MCU: variants seen among roughly 807,000 people sequenced by gnomAD.
MCU encodes the protein calcium uniporter protein, mitochondrial.
Under a neutral mutation model 45.2 loss-of-function variants are expected in MCU, and 12 were observed. The observed-to-expected ratio is 0.27, with a 90% CI of 0.17 to 0.43. The LOEUF (loss-of-function observed/expected upper bound fraction) is 0.43. Ranked by LOEUF, MCU falls within the 20% of genes least tolerant of loss-of-function variation. The pLI is 1.00. For missense variants in MCU, 324 were observed against 436.7 expected, an observed-to-expected ratio of 0.74 and a Z score of 2.30; for synonymous variants, 160 against 165.1, an observed-to-expected ratio of 0.97 and a Z score of 0.24.
At chr10:72,791,394 ACT>A (rs1844157983) in intron 1 of MCU, among the ~76,000 whole-genome samples, 1 of 151,984 alleles carries the variant, frequency 6.6e-6, no homozygotes, top group Admixed American at 6.6e-5. Flanking sequence ...TTTGATTTTT[ACT>A]CTCTTCACAA....
At chr10:72,698,264 C>T (rs1158496970) in intron 1 of MCU, among the ~76,000 whole-genome samples, 1 of 152,106 alleles carries the variant, frequency 6.6e-6, no homozygotes. Flanking sequence ...AAGTCAAAGG[C>T]AATACATTGG....
intron 1 of MCU, among the ~76,000 whole-genome samples, chr10:72,773,659 A>T (rs770647541): frequency 3.9e-5 from 6 of 152,200 alleles, no homozygotes; most frequent in Non-Finnish European, 8.8e-5. Context: ...TTAAACCCAG[A>T]TGAAACTACC....
intron 3 of MCU, 78 bp downstream of exon 3, chr10:72,859,425 C>CT (rs1845343186): frequency 7.5e-7 from 1 of 1,333,356 alleles, no homozygotes; most frequent in African/African-American, 1.5e-5. Context: ...ACATACACCA[C>CT]ACACGTAGCT....
intron 4 of MCU, among the ~76,000 whole-genome samples, chr10:72,867,479 C>T (rs116878660): frequency 0.021 from 3,217 of 152,184 alleles, 50 homozygotes; most frequent in Non-Finnish European, 0.029. Flanking sequence ...GATACTGAGG[C>T]CCATACAGCT....
chr10:72,775,281 G>A (rs972036556), intron 1 of MCU, among the ~76,000 whole-genome samples: 16 of 152,008 alleles, frequency 1.1e-4, no homozygotes, highest in East Asian at 5.8e-4. Context: ...TAAACAACAT[G>A]CTCCTGAATG....
At chr10:72,784,283 A>G (rs572168736) in intron 1 of MCU, among the ~76,000 whole-genome samples, 4 of 152,334 alleles carry the variant, frequency 2.6e-5, no homozygotes, top group South Asian at 2.1e-4. Flanking sequence ...TTCAGATCCT[A>G]TCAAATTAAT....
Position 72,797,221 on chromosome 10 carries a change from A to ATTCT in MCU, c.151-37136_151-37135insCTTT, listed in dbSNP as rs375904067. Among the ~76,000 whole-genome samples, 6 of 86,758 alleles carry ATTCT rather than the reference A, an allele frequency of 6.9e-5. 1 individual carries two copies. Among genetic ancestry groups the ATTCT allele is most frequent in the Non-Finnish European group, 1.5e-4 (5 of 34,344 alleles). The allele number at this position is 86,758 out of a possible 152,430, so 56.9% of individuals were successfully genotyped here. A position where few individuals can be genotyped will look rare whatever the true frequency, so the allele number is the denominator to read the frequency against. On this transcript the variant is annotated intron_variant, in intron 1 of 7. Coordinates refer to ENST00000373053, the MANE Select transcript of MCU (RefSeq NM_138357.3). ...CTACTTTATAACATACTTTTATTTT[A>ATTCT]TTTTATTTTATTTTTTTTTTAAGAC...
chr10:72,777,782 C>T lies in MCU; in HGVS notation c.151-56577C>T, dbSNP rs148296328. Among the ~76,000 whole-genome samples the T allele has an allele frequency of 4.4e-3, 676 of 152,174 alleles. 2 individuals are homozygous for T. The highest frequency in any genetic ancestry group is 7.3e-3 in the Non-Finnish European group (493 of 67,956). On this transcript the variant is annotated intron_variant, in intron 1 of 7. Transcript: ENST00000373053. ...ACAACATAGAGAATGGGAGAAAATA[C>T]GTGCATCTGACAAGGGATTAGTAAC... is the stretch of plus-strand genomic sequence containing the variant.
chr10:72,757,099 C>T (rs1030472637), intron 1 of MCU: 1 of 151,776 alleles, frequency 6.6e-6, no homozygotes, highest in Non-Finnish European at 1.5e-5. Flanking sequence ...CAGTAAATGG[C>T]ACATTGTCAA....
chr10:72,750,311 A>G (rs532427899), intron 1 of MCU, among the ~76,000 whole-genome samples: 3 of 152,346 alleles, frequency 2.0e-5, no homozygotes, highest in South Asian at 4.1e-4. Flanking sequence ...TTTTACGTGC[A>G]TGAATACCAA....
At chr10:72,794,898 G>A (rs981098866) in intron 1 of MCU, among the ~76,000 whole-genome samples, 2 of 152,014 alleles carry the variant, frequency 1.3e-5, no homozygotes, top group Non-Finnish European at 2.9e-5. Flanking sequence ...ATATTTTAAA[G>A]GTTCATTCTG....
chr10:72,852,026 ACT>A (rs1424645785), intron 2 of MCU, among the ~76,000 whole-genome samples: 1 of 151,824 alleles, frequency 6.6e-6, no homozygotes, highest in Non-Finnish European at 1.5e-5. Flanking sequence ...TATATTTCAG[ACT>A]CACAGATTCT....
At chr10:72,806,058 G>A (rs1844442898) in intron 1 of MCU, among the ~76,000 whole-genome samples, 1 of 151,760 alleles carries the variant, frequency 6.6e-6, no homozygotes, top group Non-Finnish European at 1.5e-5. Flanking sequence ...AGAATATAGG[G>A]AATTTCAAAA....
intron 1 of MCU, among the ~76,000 whole-genome samples, chr10:72,695,402 G>T (rs915954173): frequency 5.3e-5 from 8 of 152,278 alleles, no homozygotes; most frequent in Admixed American, 2.0e-4. Context: ...GTTCCTCATA[G>T]TCTGGCCCAA....
chr10:72,866,048 A>C (rs946421703), intron 4 of MCU, among the ~76,000 whole-genome samples: 5 of 152,150 alleles, frequency 3.3e-5, no homozygotes, highest in Non-Finnish European at 5.9e-5. Context: ...AAGTGCTGGG[A>C]TTACAGGTGT....
intron 2 of MCU, among the ~76,000 whole-genome samples, chr10:72,835,135 T>C (rs2132835753): frequency 6.6e-6 from 1 of 152,322 alleles, no homozygotes; most frequent in South Asian, 2.1e-4. Context: ...GCTTATCTTT[T>C]TCCCTACTTA....
intron 1 of MCU, among the ~76,000 whole-genome samples, chr10:72,787,204 G>A (rs1462982406): frequency 6.6e-6 from 1 of 152,098 alleles, no homozygotes; most frequent in Non-Finnish European, 1.5e-5. Flanking sequence ...GGCCACTCCC[G>A]CCCACGGTAA....
intron 2 of MCU, among the ~76,000 whole-genome samples, chr10:72,840,642 C>G (rs1477759952): frequency 6.6e-6 from 1 of 152,206 alleles, no homozygotes; most frequent in African/African-American, 2.4e-5. Flanking sequence ...AGAAATGAAG[C>G]ATTAAAGCTA....
At chr10:72,734,114 C>T (rs745572111) in intron 1 of MCU, among the ~76,000 whole-genome samples, 12 of 152,094 alleles carry the variant, frequency 7.9e-5, no homozygotes, top group Non-Finnish European at 1.3e-4. Flanking sequence ...GGTGCGTTTG[C>T]TCACACCTGT....
Sources: allele counts gnomAD v4.1 joint callset (sites outside exome capture counted in the v4.1 genomes callset), GRCh38; gene constraint gnomAD v4.1.1; transcripts MANE v1.5; gene names NCBI Gene and HGNC (gene_info 2026-07-23, HGNC 2026-07-21).